The following INO80C variants were observed in gnomAD, a reference collection of about 807,000 sequenced individuals.
INO80C encodes the protein IES6 homolog.
In INO80C, 17 loss-of-function variants were observed where a neutral mutation model predicts 17.7. That is an observed-to-expected ratio of 0.96 (90% CI 0.66 to 1.44). INO80C has a LOEUF of 1.44. Among genes scored for constraint, INO80C ranks in the 40% most tolerant of loss-of-function variants. INO80C has a pLI of 0.00. For missense variants in INO80C, 244 were observed against 245.0 expected (o/e 1.00, Z 0.03); for synonymous variants, 96 against 95.8 (o/e 1.00, Z -0.01).
intron 1 of INO80C, among the ~76,000 whole-genome samples, chr18:35,492,137 T>A (rs903274368): frequency 1.3e-5 from 2 of 152,240 alleles, no homozygotes; most frequent in Non-Finnish European, 2.9e-5. Flanking sequence ...TCCTTTGTCT[T>A]ATTACTGAAA....
intron 1 of INO80C, chr18:35,497,213 C>T (rs2045992054): frequency 8.3e-6 from 3 of 360,000 alleles, no homozygotes; most frequent in Non-Finnish European, 1.2e-5. Context: ...CTTAACAAGC[C>T]CATGAGTTAA....
At position 35,480,582 on chromosome 18, in the gene INO80C, T is replaced by C; in HGVS notation, c.157-19A>G. 2 of 1,566,974 alleles carry C rather than the reference T, an allele frequency of 1.3e-6. No individual in the cohort carries two copies. The highest frequency in any genetic ancestry group is 1.8e-6 in the Non-Finnish European group (2 of 1,137,056). On this transcript the variant is annotated intron_variant, in intron 1 of 4. Transcript: ENST00000334598. ...TGATACCCTTAAAACATAATAAAAA[T>C]AGTTTGAAGAAGTCAGTTTCTTTCA...
chr18:35,481,226 G>GAA (rs1243969256), intron 1 of INO80C, among the ~76,000 whole-genome samples: 1 of 152,192 alleles, frequency 6.6e-6, no homozygotes, highest in African/African-American at 2.4e-5. Flanking sequence ...GCCCTGACAA[G>GAA]AACGCTAATA....
At chr18:35,492,539 A>G (rs1039396494) in intron 1 of INO80C, among the ~76,000 whole-genome samples, 1 of 67,164 alleles carries the variant, frequency 1.5e-5, no homozygotes, top group South Asian at 5.4e-4. Context: ...GTCAATTTTA[A>G]AAATGAAAAA....
intron 1 of INO80C, among the ~76,000 whole-genome samples, chr18:35,485,629 A>G (rs1363534133): frequency 2.0e-5 from 3 of 152,194 alleles, no homozygotes; most frequent in African/African-American, 7.2e-5. Flanking sequence ...ACCATTAAAA[A>G]AAAAACACAA....
intron 1 of INO80C, among the ~76,000 whole-genome samples, chr18:35,486,554 A>G (rs2045876275): frequency 6.6e-6 from 1 of 152,230 alleles, no homozygotes; most frequent in South Asian, 2.1e-4. Flanking sequence ...ATAAACTTAT[A>G]AAAGAAGGAA....
chr18:35,484,759 C>A (rs1437493117), intron 1 of INO80C, among the ~76,000 whole-genome samples: 1 of 152,132 alleles, frequency 6.6e-6, no homozygotes, highest in Non-Finnish European at 1.5e-5. Context: ...GTCCTGGAAC[C>A]AATCCAGCAC....
chr18:35,470,018 A>AAAAG (rs2045650409), intron 4 of INO80C, among the ~76,000 whole-genome samples: 2 of 152,240 alleles, frequency 1.3e-5, no homozygotes, highest in African/African-American at 4.8e-5. Flanking sequence ...ATTTTGAAAC[A>AAAAG]AAAGACATGA....
intron 1 of INO80C, among the ~76,000 whole-genome samples, chr18:35,491,228 G>C (rs2045929770): frequency 6.6e-6 from 1 of 152,212 alleles, no homozygotes; most frequent in South Asian, 2.1e-4. Flanking sequence ...GCCAGACAGG[G>C]GCCCTCGTTA....
chr18:35,481,815 C>T (rs867732037), intron 1 of INO80C, among the ~76,000 whole-genome samples: 28 of 152,198 alleles, frequency 1.8e-4, no homozygotes, highest in Admixed American at 1.2e-3. Context: ...ACCTGGGAGG[C>T]GGAGGCTGCA....
At chr18:35,496,083 A>G (rs1035124489) in intron 1 of INO80C, among the ~76,000 whole-genome samples, 3 of 152,232 alleles carry the variant, frequency 2.0e-5, no homozygotes, top group Non-Finnish European at 2.9e-5. Flanking sequence ...AAAACAGTGC[A>G]ACTACTTTGA....
intron 3 of INO80C, among the ~76,000 whole-genome samples, chr18:35,478,776 T>G (rs540037703): frequency 6.6e-6 from 1 of 152,178 alleles, no homozygotes; most frequent in African/African-American, 2.4e-5. Flanking sequence ...GTCACCCCCA[T>G]GAAAGAAGTA....
At chr18:35,476,154 T>A (rs948982138) in intron 4 of INO80C, among the ~76,000 whole-genome samples, 2 of 152,202 alleles carry the variant, frequency 1.3e-5, no homozygotes, top group Admixed American at 6.5e-5. Flanking sequence ...AACAGAATTT[T>A]AAAATGTTCA....
At chr18:35,483,102 T>C (rs1342256843) in intron 1 of INO80C, among the ~76,000 whole-genome samples, 2 of 152,384 alleles carry the variant, frequency 1.3e-5, no homozygotes, top group East Asian at 3.8e-4. Context: ...TCCATTTTCA[T>C]TTATGCTGTA....
rs2045632121 is a variant in INO80C, at chr18:35,468,651, C to A, written c.539G>T (p.Gly180Val). ...IRRLPSDVVT[G>V]YLALRKATSI... Reference sequence around the variant, plus strand: ...CGTGGCCTTCCTCAGGGCCAGGTAGCCGGTGACGACGTCAGAGGGCAGCCT... The same window carrying A: ...CGTGGCCTTCCTCAGGGCCAGGTAGACGGTGACGACGTCAGAGGGCAGCCT... Residue 180 changes from glycine to valine, a missense_variant, in exon 5 of 5, where the codon GGC becomes GTC. Transcript: ENST00000334598. 6.2e-7 allele frequency: 1 copy of A among 1,614,046 alleles called. No individual in the cohort carries two copies. Among genetic ancestry groups the A allele is most frequent in the Non-Finnish European group, 8.5e-7 (1 of 1,180,010 alleles).
At chr18:35,483,386 T>C (rs769471674) in intron 1 of INO80C, 2 of 152,166 alleles carry the variant, frequency 1.3e-5, no homozygotes, top group Non-Finnish European at 2.9e-5. Flanking sequence ...GAGTAACATC[T>C]AGTATATATT....
chr18:35,476,458 T>G (rs531781975), intron 4 of INO80C, among the ~76,000 whole-genome samples: 4 of 152,330 alleles, frequency 2.6e-5, no homozygotes, highest in Admixed American at 6.5e-5. Context: ...CAGCAGAAAC[T>G]GAGTTTGGGT....
chr18:35,470,653 C>T (rs905013454), intron 4 of INO80C, among the ~76,000 whole-genome samples: 1 of 152,168 alleles, frequency 6.6e-6, no homozygotes, highest in Non-Finnish European at 1.5e-5. Flanking sequence ...GCCGGCCCGC[C>T]CAAGTTCAGA....
intron 4 of INO80C, among the ~76,000 whole-genome samples, chr18:35,473,734 A>G (rs2045698159): frequency 6.6e-6 from 1 of 152,134 alleles, no homozygotes; most frequent in Non-Finnish European, 1.5e-5. Flanking sequence ...CAGCTTGGGA[A>G]AAAAAATCAT....
Sources: allele counts gnomAD v4.1 joint callset (sites outside exome capture counted in the v4.1 genomes callset), GRCh38; gene constraint gnomAD v4.1.1; transcripts MANE v1.5; gene names NCBI Gene and HGNC (gene_info 2026-07-23, HGNC 2026-07-21).